CRYGN: variants seen among roughly 807,000 people sequenced by gnomAD.
CRYGN encodes the protein gamma-crystallin N.
In CRYGN, 17 loss-of-function variants were observed where a neutral mutation model predicts 19.2. That is an observed-to-expected ratio of 0.89 (90% CI 0.61 to 1.33). The LOEUF (loss-of-function observed/expected upper bound fraction) is 1.33, where lower values mean the gene tolerates loss of function less well. Among genes scored for constraint, CRYGN ranks in the 40% most tolerant of loss-of-function variants. The pLI is 0.00. For synonymous variants in CRYGN, 84 were observed against 85.8 expected, an observed-to-expected ratio of 0.98 and a Z score of 0.12; for missense variants, 239 against 239.6, an observed-to-expected ratio of 1.00 and a Z score of 0.02.
chr7:151,440,603 T>A (rs1305037431), upstream of CRYGN: 2 of 153,820 alleles, frequency 1.3e-5, no homozygotes. Flanking sequence ...CCTGGCACTC[T>A]CCCTCCCTGG....
rs188327309 is a variant in CRYGN, at chr7:151,432,331, C to T, written c.417-2151G>A. On this transcript the variant is annotated intron_variant, in intron 3 of 3. Transcript: ENST00000337323. The stretch of plus-strand genomic sequence containing the variant: ...GATCAGGGGCTGCCAGGAAGTCCCC[C>T]GGGACTCCGGAGAGAAAAGCCTGCA... 521 of 1,093,558 alleles carry T rather than the reference C, an allele frequency of 4.8e-4. 4 individuals are homozygous for T. In the East Asian group the frequency reaches 0.013, roughly 27 times the overall value. The allele number at this position is 1,093,558 out of a possible 1,614,324, so 67.7% of individuals were successfully genotyped here. A position where few individuals can be genotyped will look rare whatever the true frequency, so the allele number is the denominator to read the frequency against.
chr7:151,431,343 C>T lies in CRYGN; in HGVS notation c.417-1163G>A, dbSNP rs1801458006. ...ACTGCCTGGGCCGAGTATCTCCTTC[C>T]AGGACAGACTTCTCCCTCCCCTCTG... On this transcript the variant is annotated intron_variant, in intron 3 of 3. Transcript: ENST00000337323. This position sits in a 1 kb window ranked among gnomAD's most constrained non-coding sequence, Gnocchi z 4.8. 6.6e-6 allele frequency among the ~76,000 whole-genome samples: 1 copy of T among 152,148 alleles called. No homozygotes were observed.
At chr7:151,437,700 G>A (rs1451197111) in intron 2 of CRYGN, 2 of 888,516 alleles carry the variant, frequency 2.3e-6, no homozygotes, top group Non-Finnish European at 3.3e-6. Context: ...TCTAAATTTG[G>A]ATGATTTCAA....
In CRYGN at chr7:151,430,463, G is replaced by GC. The variant is rs1481538659; in HGVS notation, c.417-284dup. Among the ~76,000 whole-genome samples, 2 of 152,154 alleles carry GC rather than the reference G, an allele frequency of 1.3e-5. No homozygotes were observed. The highest frequency in any genetic ancestry group is 2.4e-5 in the African/African-American group (1 of 41,418). On this transcript the variant is annotated intron_variant, in intron 3 of 3. Coordinates refer to ENST00000337323, the MANE Select transcript of CRYGN (RefSeq NM_144727.3). The surrounding 1 kb of genome is among the most constrained non-coding windows in gnomAD (Gnocchi z 5.2). ...GACCCATCGTGACTCTTTTTCCATT[G>GC]CTCTCTCAGTGAGGGATGGGGAGAG...
At position 151,432,093 on chromosome 7, in the gene CRYGN, C is replaced by A. The variant is rs912264019; in HGVS notation, c.417-1913G>T. On this transcript the variant is annotated intron_variant, in intron 3 of 3. Transcript: ENST00000337323. ...AGGTCCCGAGGTCTGGGTGGGACCGCAAGGGGTTGCCCCTGTCCCCAGAGC... is the reference window on the plus strand; with the variant it reads ...AGGTCCCGAGGTCTGGGTGGGACCGAAAGGGGTTGCCCCTGTCCCCAGAGC... 1.0e-5 allele frequency: 9 copies of A among 899,998 alleles called. No homozygotes were observed. The South Asian group carries it at 5.0e-4, about 50-fold the overall frequency. 55.8% of individuals were successfully genotyped at this position (899,998 alleles called of 1,614,324 possible).
In CRYGN at chr7:151,437,862, G is replaced by T. The variant is rs898718946; in HGVS notation, c.270+134C>A. ...ACCTCATGCCAGCAGGTGGCTCTGG[G>T]TATAGCTCCTTCAGTCTTACAGACT... On this transcript the variant is annotated intron_variant, in intron 2 of 3. Coordinates refer to ENST00000337323, the MANE Select transcript of CRYGN (RefSeq NM_144727.3). 4.6e-6 allele frequency: 7 copies of T among 1,535,464 alleles called. 1 individual carries two copies. In the Middle Eastern group the frequency reaches 5.1e-4, roughly 112 times the overall value.
At position 151,436,270 on chromosome 7, in the gene CRYGN, C is replaced by T; in HGVS notation, c.326G>A (p.Cys109Tyr). 6.3e-7 allele frequency: 1 copy of T among 1,599,954 alleles called. No individual in the cohort carries two copies. Among genetic ancestry groups the T allele is most frequent in the East Asian group, 2.3e-5 (1 of 43,950 alleles). ...IFEGCNFTGQ[C>Y]LEFLEDSPFL... is the part of the protein sequence containing the mutation. ...GGGGCTGTCCTCCAGGAACTCCAGG[C>T]ACTGGCCCGTGAAGTTGCAACCCTC... Residue 109 changes from cysteine (C) to tyrosine (Y), a missense_variant, in exon 3 of 4, where the codon TGC (cysteine) becomes TAC (tyrosine). Coordinates refer to ENST00000337323, the MANE Select transcript of CRYGN (RefSeq NM_144727.3). This position sits in a 1 kb window ranked among gnomAD's most constrained non-coding sequence, Gnocchi z 5.1.
Position 151,437,994 on chromosome 7 carries a change from A to G in CRYGN, c.270+2T>C. On this transcript the variant is annotated splice_donor_variant, in intron 2 of 3. Coordinates refer to ENST00000337323, the MANE Select transcript of CRYGN (RefSeq NM_144727.3). LOFTEE classifies it high-confidence loss of function. ...CAGCCTTCGGTGGACGGGCCCACTCACCATTCCTACAGGCCGACAGGAGCC... is the reference window on the plus strand; with the variant it reads ...CAGCCTTCGGTGGACGGGCCCACTCGCCATTCCTACAGGCCGACAGGAGCC... The G allele has an allele frequency of 1.2e-6, 2 of 1,612,552 alleles. No homozygotes were observed. The highest frequency in any genetic ancestry group is 1.7e-5 in the Admixed American group (1 of 59,988).
chr7:151,436,104 T>C lies in CRYGN; in HGVS notation c.416+76A>G. 8.2e-7 allele frequency: 1 copy of C among 1,216,938 alleles called. No homozygotes were observed. Among genetic ancestry groups the C allele is most frequent in the Non-Finnish European group, 1.1e-6 (1 of 939,198 alleles). The allele number at this position is 1,216,938 out of a possible 1,614,324, so 75.4% of individuals were successfully genotyped here. On this transcript the variant is annotated intron_variant, in intron 3 of 3. Transcript: ENST00000337323. This position sits in a 1 kb window ranked among gnomAD's most constrained non-coding sequence, Gnocchi z 5.1. ...TCCCACCCCACCCACCACCCCTGTGTGGCGGGCAGCCTCCCACGCCTGGTG... is the reference window on the plus strand; with the variant it reads ...TCCCACCCCACCCACCACCCCTGTGCGGCGGGCAGCCTCCCACGCCTGGTG...
At chr7:151,434,121 C>A (rs1801541662) in intron 3 of CRYGN, among the ~76,000 whole-genome samples, 1 of 152,144 alleles carries the variant, frequency 6.6e-6, no homozygotes, top group South Asian at 2.1e-4. Context: ...GGCGTTACCT[C>A]CTTGACAAGG....
Position 151,433,321 on chromosome 7 carries a change from A to C in CRYGN, c.416+2859T>G, listed in dbSNP as rs1489637699. Among the ~76,000 whole-genome samples the C allele has an allele frequency of 6.6e-6, 1 of 152,186 alleles. No homozygotes were observed. The highest frequency in any genetic ancestry group is 1.5e-5 in the Non-Finnish European group (1 of 68,008). ...GGGAACGGGGGACCAGGAGGAAGGGACTGGAGGTCCAGGATAGTGGCCTTT... is the reference window on the plus strand; with the variant it reads ...GGGAACGGGGGACCAGGAGGAAGGGCCTGGAGGTCCAGGATAGTGGCCTTT... On this transcript the variant is annotated intron_variant, in intron 3 of 3. Transcript: ENST00000337323. This position sits in a 1 kb window ranked among gnomAD's most constrained non-coding sequence, Gnocchi z 5.1.
In CRYGN at chr7:151,432,221, G is replaced by A. The variant is rs61747142; in HGVS notation, c.417-2041C>T. Reference sequence around the variant, plus strand: ...TGGGCCTCCCAGTCCGAGAAGCTGCGGAAGTCGCCACTCTCCACCACGTAC... The same window carrying A: ...TGGGCCTCCCAGTCCGAGAAGCTGCAGAAGTCGCCACTCTCCACCACGTAC... On this transcript the variant is annotated intron_variant, in intron 3 of 3. Transcript: ENST00000337323. 4,653 of 1,232,124 alleles carry A rather than the reference G, an allele frequency of 3.8e-3. 95 individuals carry two copies. In the African/African-American group the frequency reaches 0.051, roughly 14 times the overall value. 76.3% of individuals were successfully genotyped at this position (1,232,124 alleles called of 1,614,324 possible). A position where few individuals can be genotyped will look rare whatever the true frequency, so the allele number is the denominator to read the frequency against.
At position 151,437,930 on chromosome 7, in the gene CRYGN, C is replaced by T. The variant is rs745795497; in HGVS notation, c.270+66G>A. On this transcript the variant is annotated intron_variant, in intron 2 of 3. Coordinates refer to ENST00000337323, the MANE Select transcript of CRYGN (RefSeq NM_144727.3). The stretch of plus-strand genomic sequence containing the variant: ...ACGCTCCCCGATTCCTTGCCACTGT[C>T]TGCCAGGGCTGACCCTCGGTCCCTC... The T allele has an allele frequency of 2.5e-6, 4 of 1,602,402 alleles. No individual in the cohort carries two copies. The Admixed American group carries it at 6.7e-5, about 27-fold the overall frequency.
In CRYGN at chr7:151,430,289, G is replaced by A. The variant is rs985020101; in HGVS notation, c.417-109C>T. 5 of 1,078,262 alleles carry A rather than the reference G, an allele frequency of 4.6e-6. No individual in the cohort carries two copies. Among genetic ancestry groups the A allele is most frequent in the African/African-American group, 3.2e-5 (2 of 62,958 alleles). 66.8% of individuals were successfully genotyped at this position (1,078,262 alleles called of 1,614,324 possible). A position where few individuals can be genotyped will look rare whatever the true frequency, so the allele number is the denominator to read the frequency against. The stretch of plus-strand genomic sequence containing the variant: ...AGCAGGGAGCCCCTTCCCCTTTCCT[G>A]GGCGGAGTGGACGGTTGCCTAGTGG... On this transcript the variant is annotated intron_variant, in intron 3 of 3. Transcript: ENST00000337323. The surrounding 1 kb of genome is among the most constrained non-coding windows in gnomAD (Gnocchi z 5.2).
Position 151,430,240 on chromosome 7 carries a change from T to C in CRYGN, c.417-60A>G. 2 of 1,558,458 alleles carry C rather than the reference T, an allele frequency of 1.3e-6. No homozygotes were observed. Among genetic ancestry groups the C allele is most frequent in the South Asian group, 1.1e-5 (1 of 88,366 alleles). On this transcript the variant is annotated intron_variant, in intron 3 of 3. Transcript: ENST00000337323. The surrounding 1 kb of genome is among the most constrained non-coding windows in gnomAD (Gnocchi z 5.2). ...GCATTAGGGGTACAGAGCAGGCCTT[T>C]TGGGGACCCATCTACCACATGGCAG... is the stretch of plus-strand genomic sequence containing the variant.
At position 151,435,573 on chromosome 7, in the gene CRYGN, C is replaced by T. The variant is rs2150907754; in HGVS notation, c.416+607G>A. Among the ~76,000 whole-genome samples the T allele has an allele frequency of 6.6e-6, 1 of 152,288 alleles. No individual in the cohort carries two copies. ...CCAAGTGTGGGGCAGACAAACCCAT[C>T]TGGGCCTGGGCAAAATTCCCCCAGC... On this transcript the variant is annotated intron_variant, in intron 3 of 3. Transcript: ENST00000337323. The surrounding 1 kb of genome is among the most constrained non-coding windows in gnomAD (Gnocchi z 4.2).
intron 1 of CRYGN, chr7:151,438,743 G>C (rs13242965): frequency 0.45 from 71,211 of 157,054 alleles, 17,707 homozygotes; most frequent in East Asian, 0.78. Context: ...GAGGCTGAAT[G>C]GGCCGAAGCC....
intron 3 of CRYGN, chr7:151,432,290 A>G: frequency 4.9e-6 from 6 of 1,229,020 alleles, no homozygotes; most frequent in Non-Finnish European, 6.1e-6. Flanking sequence ...ACCCACCTGG[A>G]GGCCAGGGGA....
chr7:151,434,668 A>G (rs1198960547), intron 3 of CRYGN, among the ~76,000 whole-genome samples: 7 of 152,208 alleles, frequency 4.6e-5, no homozygotes, highest in Admixed American at 3.3e-4. Flanking sequence ...CTGTATTTGC[A>G]TATAACCCAT....
Sources: gnomAD v4.1 joint callset for allele counts (sites outside exome capture counted in the v4.1 genomes callset) on GRCh38, gnomAD v4.1.1 for gene constraint, Gnocchi (gnomAD v3.1) non-coding constraint, MANE v1.5 for transcripts, NCBI Gene and HGNC (gene_info 2026-07-23, HGNC 2026-07-21) for gene names.